IGSF8: variants seen among roughly 807,000 people sequenced by gnomAD.
The protein encoded by IGSF8 is immunoglobulin superfamily member 8, also known as CD81 partner 3.
In IGSF8, 46 loss-of-function variants were observed where a neutral mutation model predicts 55.5. That is an observed-to-expected ratio of 0.83 (90% confidence interval 0.65 to 1.06). The LOEUF (loss-of-function observed/expected upper bound fraction) is 1.06, where lower values mean the gene tolerates loss of function less well. Ranked by LOEUF, IGSF8 falls within the 50% of genes least tolerant of loss-of-function variation. The pLI is 0.00. For synonymous variants in IGSF8, 314 were observed against 356.1 expected, an observed-to-expected ratio of 0.88 and a Z score of 1.33; for missense variants, 731 against 832.3, an observed-to-expected ratio of 0.88 and a Z score of 1.50.
chr1:160,097,094 C>T (rs1202240479), intron 1 of IGSF8, among the ~76,000 whole-genome samples: 1 of 152,214 alleles, frequency 6.6e-6, no homozygotes, highest in Non-Finnish European at 1.5e-5. Context: ...TGTTCAAATC[C>T]TAGCCCCAAC....
At chr1:160,098,620 C>A, upstream of IGSF8, 1 of 566,834 alleles carries the variant, frequency 1.8e-6, no homozygotes, top group East Asian at 3.2e-5. Context: ...GCTGCCGAAT[C>A]CCCTCCCTCC....
upstream of IGSF8, chr1:160,098,649 C>A: frequency 1.8e-6 from 1 of 555,080 alleles, no homozygotes; most frequent in South Asian, 2.2e-5. Context: ...CGCTGCTTTC[C>A]CTCCAGCCCT....
rs753924525 is a variant in IGSF8 at position 160,092,588 on chromosome 1, G to A, written c.1420C>T (p.Arg474Trp). 35 of 1,608,366 alleles carry A rather than the reference G, an allele frequency of 2.2e-5. No homozygotes were observed. Among genetic ancestry groups the A allele is most frequent in the East Asian group, 4.5e-5 (2 of 44,882 alleles). The change falls in exon 5 of 7, where the codon CGG becomes TGG. Residue 474 changes from arginine (R) to tryptophan (W), a missense_variant. Coordinates refer to ENST00000314485, the MANE Select transcript of IGSF8 (RefSeq NM_052868.6). ...ISVRGGPPGL[R>W]LAASWWVERP... Reference sequence around the variant, plus strand: ...TCCACCCACCAGCTGGCGGCCAGCCGCAGTCCTGGGGGGCCACCCCGCACA... The same window carrying A: ...TCCACCCACCAGCTGGCGGCCAGCCACAGTCCTGGGGGGCCACCCCGCACA...
rs768298238 is a variant in IGSF8, at chr1:160,091,807, C to T, written c.*15+1G>A. The T allele has an allele frequency of 3.2e-6, 5 of 1,584,246 alleles. No individual in the cohort carries two copies. Among genetic ancestry groups the T allele is most frequent in the Non-Finnish European group, 4.3e-6 (5 of 1,152,690 alleles). On this transcript the variant is annotated splice_donor_variant, in intron 6 of 6. Coordinates refer to ENST00000314485, the MANE Select transcript of IGSF8 (RefSeq NM_052868.6). LOFTEE classifies it low-confidence loss of function (3UTR_SPLICE). ...AAGGTTGGGGGGTTCTTTTCCCTCA[C>T]CTGGGGAGTAAGGGATCACCGTTTT...
In IGSF8 at chr1:160,094,164, T is replaced by C; in HGVS notation, c.450A>G (p.Pro150=). ...GGGCAGCAGACACCTGGAGGACATCTGGAAGAACTGGAGAGAACAGCTGGA... is the reference window on the plus strand; with the variant it reads ...GGGCAGCAGACACCTGGAGGACATCCGGAAGAACTGGAGAGAACAGCTGGA... ...YSGKVELRVL[P]DVLQVSAAPP... Residue 150 remains proline (P), a synonymous_variant, in exon 3 of 7, where the codon CCA becomes CCG. Coordinates refer to ENST00000314485, the MANE Select transcript of IGSF8 (RefSeq NM_052868.6). This position sits in a 1 kb window ranked among gnomAD's most constrained non-coding sequence, Gnocchi z 4.0. 6.3e-7 allele frequency: 1 copy of C among 1,593,528 alleles called. No individual in the cohort carries two copies. Among genetic ancestry groups the C allele is most frequent in the Non-Finnish European group, 8.5e-7 (1 of 1,174,626 alleles).
chr1:160,098,688 G>C (rs1482046051), upstream of IGSF8: 430 of 506,378 alleles, frequency 8.5e-4, 2 homozygotes, highest in African/African-American at 8.6e-3. Context: ...TCTCGCCCCG[G>C]CCCGCCCCGG....
At chr1:160,097,803 GA>G (rs1182716730) in intron 1 of IGSF8, 10 of 985,374 alleles carry the variant, frequency 1.0e-5, no homozygotes, top group African/African-American at 3.5e-5. Context: ...TAAGCGGTGT[GA>G]AAACTGATGG....
At position 160,091,423 on chromosome 1, in the gene IGSF8, G is replaced by A. The variant is rs1417904213; in HGVS notation, c.*201C>T. On this transcript the variant is annotated 3_prime_UTR_variant, in exon 7 of 7. Transcript: ENST00000314485. ...TGGCCTCCCTATAGGATCCCTAAGA[G>A]ATCAAGAACAGAAGGCCAGAGGGAG... is the stretch of plus-strand genomic sequence containing the variant. 9.0e-6 allele frequency: 2 copies of A among 222,500 alleles called. No individual in the cohort carries two copies. The highest frequency in any genetic ancestry group is 1.8e-5 in the Non-Finnish European group (2 of 111,882). 13.8% of individuals were successfully genotyped at this position (222,500 alleles called of 1,614,324 possible). A position where few individuals can be genotyped will look rare whatever the true frequency, so the allele number is the denominator to read the frequency against.
rs1288650520 is a variant in IGSF8 at position 160,093,841 on chromosome 1, CCTA to C, written c.770_772del (p.Val257del). On this transcript the variant is annotated inframe_deletion, in exon 3 of 7. Coordinates refer to ENST00000314485, the MANE Select transcript of IGSF8 (RefSeq NM_052868.6). ...GCCTGCGTCCCCTGCCTGGGCACCC[CCTA>C]CTACCATGCGGTACCGATCGGTCCC... 6.2e-7 allele frequency: 1 copy of C among 1,614,194 alleles called. No homozygotes were observed. The highest frequency in any genetic ancestry group is 8.5e-7 in the Non-Finnish European group (1 of 1,180,012).
In IGSF8 at chr1:160,095,314, C is replaced by A. The variant is rs371706753; in HGVS notation, c.65-68G>T. The A allele has an allele frequency of 1.6e-3, 2,418 of 1,467,346 alleles. 15 individuals carry two copies. Among genetic ancestry groups the A allele is most frequent in the Middle Eastern group, 9.3e-3 (46 of 4,966 alleles). The allele number at this position is 1,467,346 out of a possible 1,614,324, so 90.9% of individuals were successfully genotyped here. A position where few individuals can be genotyped will look rare whatever the true frequency, so the allele number is the denominator to read the frequency against. On this transcript the variant is annotated intron_variant, in intron 1 of 6. Coordinates refer to ENST00000314485, the MANE Select transcript of IGSF8 (RefSeq NM_052868.6). ...ATTCCATGCCCTCTGCCGCCACAAG[C>A]ACCATTCTTGATCTCTGCCTACAAA...
chr1:160,091,938 G>T lies in IGSF8; in HGVS notation c.1727C>A (p.Ala576Asp). ...CAGAGGCACAAATAGGGTGTCCAGG[G>T]CTGGGGGAGAGAGGATGACTGTTCA... The part of the protein sequence containing the change: ...GPVTVYPYMH[A>D]LDTLFVPLLV... The change falls in exon 6 of 7, where the codon GCC becomes GAC. Residue 576 changes from alanine to aspartate, a missense_variant and splice_region_variant. By Grantham distance (126) the Ala-to-Asp change is moderately radical. Coordinates refer to ENST00000314485, the MANE Select transcript of IGSF8 (RefSeq NM_052868.6). 1 of 1,598,650 alleles carries T rather than the reference G, an allele frequency of 6.3e-7. No individual in the cohort carries two copies. The highest frequency in any genetic ancestry group is 8.6e-7 in the Non-Finnish European group (1 of 1,165,964).
At chr1:160,095,926 C>G (rs1420194667) in intron 1 of IGSF8, among the ~76,000 whole-genome samples, 1 of 152,230 alleles carries the variant, frequency 6.6e-6, no homozygotes, top group East Asian at 1.9e-4. Context: ...GGCAGAAGAT[C>G]CCCTCCTCCA....
chr1:160,097,621 C>A (rs1570966904), intron 1 of IGSF8: 1 of 927,928 alleles, frequency 1.1e-6, no homozygotes, highest in East Asian at 1.2e-4. Flanking sequence ...CTACAGGGAG[C>A]CCTCCAGTTC....
At position 160,093,284 on chromosome 1, in the gene IGSF8, G is replaced by A; in HGVS notation, c.952C>T (p.Pro318Ser). 6.2e-7 allele frequency: 1 copy of A among 1,607,680 alleles called. No individual in the cohort carries two copies. Among genetic ancestry groups the A allele is most frequent in the Non-Finnish European group, 8.5e-7 (1 of 1,175,016 alleles). The stretch of plus-strand genomic sequence containing the variant: ...CACAGCAGTTCCAAGGGCTCCCCTG[G>A]GCCGATCCGACGTTCACCAGGCCCC... ...TVGPGERRIGPGEPLELLCNV... is the reference protein window; with the variant it reads ...TVGPGERRIGSGEPLELLCNV... The change falls in exon 4 of 7, where the codon CCA becomes TCA. Residue 318 changes from proline (P) to serine (S), a missense_variant. Physicochemically the swap from Pro to Ser is moderately conservative, Grantham distance 74 (BLOSUM62 -1). Transcript: ENST00000314485.
chr1:160,099,109 GC>G (rs1222890745), upstream of IGSF8, among the ~76,000 whole-genome samples: 1 of 142,994 alleles, frequency 7.0e-6, no homozygotes, highest in Non-Finnish European at 1.5e-5. Context: ...GCCTCGCCCC[GC>G]CCCTGGCCCT....
At position 160,095,229 on chromosome 1, in the gene IGSF8, G is replaced by C. The variant is rs566750546; in HGVS notation, c.82C>G (p.Arg28Gly). The C allele has an allele frequency of 6.2e-7, 1 of 1,602,700 alleles. No individual in the cohort carries two copies. Among genetic ancestry groups the C allele is most frequent in the African/African-American group, 1.3e-5 (1 of 74,900 alleles). ...LLMLGMGCWA[R>G]EVLVPEGPLY... ...GGCCCCTCGGGGACCAGCACCTCCC[G>C]GGCCCAGCATCCCATTCCTGTAGGG... Residue 28 changes from arginine to glycine, a missense_variant, in exon 2 of 7, where the codon CGG becomes GGG. Physicochemically the swap from Arg to Gly is moderately radical, Grantham distance 125. Transcript: ENST00000314485.
Position 160,093,705 on chromosome 1 carries a change from C to T in IGSF8, c.904+5G>A. 6.3e-7 allele frequency: 1 copy of T among 1,591,340 alleles called. No individual in the cohort carries two copies. Among genetic ancestry groups the T allele is most frequent in the Non-Finnish European group, 8.6e-7 (1 of 1,166,586 alleles). On this transcript the variant is annotated splice_donor_5th_base_variant and intron_variant, in intron 3 of 6. Coordinates refer to ENST00000314485, the MANE Select transcript of IGSF8 (RefSeq NM_052868.6). ...CCCACAGTGGGATGTATAAGTGGCA[C>T]TTACACAGCGTCTGCACATCCACGT...
In IGSF8 at chr1:160,098,312, C is replaced by A. The variant is rs1226627281; in HGVS notation, c.64+97G>T. The stretch of plus-strand genomic sequence containing the variant: ...CCGGGGAGGCTGGAGGTACCCCTGA[C>A]GGAGGAGGATGTGAGGAGCCCCGAA... On this transcript the variant is annotated intron_variant, in intron 1 of 6. Transcript: ENST00000314485. The A allele has an allele frequency of 3.4e-6, 5 of 1,477,042 alleles. No individual in the cohort carries two copies. The South Asian group carries it at 6.7e-5, about 20-fold the overall frequency. The allele number at this position is 1,477,042 out of a possible 1,614,324, so 91.5% of individuals were successfully genotyped here.
Position 160,092,660 on chromosome 1 carries a change from C to T in IGSF8, c.1348G>A (p.Gly450Ser). 1 of 1,600,716 alleles carries T rather than the reference C, an allele frequency of 6.2e-7. No individual in the cohort carries two copies. Among genetic ancestry groups the T allele is most frequent in the East Asian group, 2.2e-5 (1 of 44,878 alleles). ...VLEAVAWLAG[G>S]TVYRGETASL... ...GCAGTCTCCCCGCGGTACACTGTGC[C>T]TCCTGCTAGCCATGCCACAGCCTCC... Residue 450 changes from glycine (G) to serine (S), a missense_variant, in exon 5 of 7, where the codon GGC (glycine) becomes AGC (serine). Transcript: ENST00000314485.
Sources: gnomAD v4.1 joint callset for allele counts (sites outside exome capture counted in the v4.1 genomes callset) on GRCh38, gnomAD v4.1.1 for gene constraint, Gnocchi (gnomAD v3.1) non-coding constraint, MANE v1.5 for transcripts, NCBI Gene and HGNC (gene_info 2026-07-23, HGNC 2026-07-21) for gene names.